Variants in ZFHX3 observed in about 807,000 individuals in gnomAD.
ZFHX3 encodes zinc finger homeobox 3.
In ZFHX3, 42 loss-of-function variants were observed where a neutral mutation model predicts 279.1. The ratio of observed to expected loss-of-function variants is 0.15; its 90% CI spans 0.12 to 0.19. ZFHX3 has a LOEUF of 0.19. Ranked by LOEUF, ZFHX3 falls within the 10% of genes least tolerant of loss-of-function variation. The pLI, the probability that ZFHX3 is intolerant of heterozygous loss-of-function variation, is 1.00. For synonymous variants in ZFHX3, 2,293 were observed against 1,957.8 expected, an observed-to-expected ratio of 1.17 and a Z score of -4.52; for missense variants, 4,981 against 4,754.0, an observed-to-expected ratio of 1.05 and a Z score of -1.40.
intron 4 of ZFHX3, among the ~76,000 whole-genome samples, chr16:73,314,865 A>G (rs1193476027): frequency 6.6e-6 from 1 of 152,260 alleles, no homozygotes; most frequent in Non-Finnish European, 1.5e-5. Context: ...CCCATAAGTT[A>G]GAGGCAACTG....
chr16:73,853,271 T>G (rs1319156633), intron 1 of ZFHX3, among the ~76,000 whole-genome samples: 1 of 152,178 alleles, frequency 6.6e-6, no homozygotes, highest in African/African-American at 2.4e-5. Flanking sequence ...ATACAGAGAT[T>G]TCTCAAAGAA....
intron 3 of ZFHX3, among the ~76,000 whole-genome samples, chr16:73,354,930 T>G (rs1028290124): frequency 6.6e-6 from 1 of 152,248 alleles, no homozygotes; most frequent in African/African-American, 2.4e-5. Context: ...AATAGTTAAT[T>G]ACTCCACAAA....
chr16:72,894,392 C>A (rs2038845833), intron 3 of ZFHX3, among the ~76,000 whole-genome samples: 1 of 152,188 alleles, frequency 6.6e-6, no homozygotes, highest in African/African-American at 2.4e-5. Flanking sequence ...CCACATCATT[C>A]GGCCATTTCC....
intron 5 of ZFHX3, chr16:73,143,899 G>C (rs1597180226): frequency 1.8e-6 from 1 of 569,760 alleles, no homozygotes; most frequent in East Asian, 6.9e-5. Context: ...CAGGCCAAGT[G>C]GCTAATGAAT....
intron 2 of ZFHX3, among the ~76,000 whole-genome samples, chr16:73,558,913 C>G (rs1304809418): frequency 6.6e-6 from 1 of 151,488 alleles, no homozygotes; most frequent in East Asian, 2.0e-4. Context: ...CAGGGTTTCA[C>G]CATGGTGGCC....
At chr16:72,884,323 G>C (rs780291062) in intron 4 of ZFHX3, among the ~76,000 whole-genome samples, 1 of 152,158 alleles carries the variant, frequency 6.6e-6, no homozygotes, top group Admixed American at 6.5e-5. Flanking sequence ...ATCTGTAAAG[G>C]GAGGATACTG....
intron 2 of ZFHX3, among the ~76,000 whole-genome samples, chr16:73,634,141 T>C (rs1056675561): frequency 1.3e-5 from 2 of 151,932 alleles, no homozygotes. Context: ...TATACATACA[T>C]AATTATGCAC....
At chr16:73,741,905 G>A (rs777748592) in intron 1 of ZFHX3, among the ~76,000 whole-genome samples, 1 of 152,188 alleles carries the variant, frequency 6.6e-6, no homozygotes, top group Non-Finnish European at 1.5e-5. Flanking sequence ...TTTATTCTAA[G>A]TCTTTCTAGC....
At chr16:73,306,757 G>A (rs1169447512) in intron 4 of ZFHX3, among the ~76,000 whole-genome samples, 1 of 152,230 alleles carries the variant, frequency 6.6e-6, no homozygotes, top group Non-Finnish European at 1.5e-5. Flanking sequence ...GTGACAGGCT[G>A]CTAGACCCTC....
chr16:72,856,207 G>T (rs145020708), intron 4 of ZFHX3, among the ~76,000 whole-genome samples: 1 of 152,178 alleles, frequency 6.6e-6, no homozygotes, highest in Non-Finnish European at 1.5e-5. Flanking sequence ...AAAGCTAGGC[G>T]CTGTACCTGT....
chr16:73,770,852 C>T (rs980701388), intron 1 of ZFHX3, among the ~76,000 whole-genome samples: 2 of 152,168 alleles, frequency 1.3e-5, no homozygotes, highest in Non-Finnish European at 2.9e-5. Context: ...AACACAAAGC[C>T]ATATAGAGGT....
At chr16:73,709,352 G>C (rs1242153974) in intron 1 of ZFHX3, among the ~76,000 whole-genome samples, 21 of 145,974 alleles carry the variant, frequency 1.4e-4, no homozygotes. Context: ...GTGACAGAGA[G>C]AGAGAGAGAG....
At chr16:73,464,646 G>A (rs1275034286) in intron 2 of ZFHX3, among the ~76,000 whole-genome samples, 1 of 152,008 alleles carries the variant, frequency 6.6e-6, no homozygotes, top group East Asian at 1.9e-4. Context: ...TCTTTTAGAG[G>A]AGAGCTTCAA....
intron 3 of ZFHX3, among the ~76,000 whole-genome samples, chr16:73,332,238 G>T (rs927678119): frequency 6.6e-6 from 1 of 152,186 alleles, no homozygotes; most frequent in Non-Finnish European, 1.5e-5. Flanking sequence ...CAAGTAGGAA[G>T]TCATTGAGAA....
chr16:73,033,427 G>C (rs1367616276), intron 1 of ZFHX3, among the ~76,000 whole-genome samples: 1 of 152,194 alleles, frequency 6.6e-6, no homozygotes, highest in Non-Finnish European at 1.5e-5. Context: ...ACTGGGTCTT[G>C]ACAGAAGTGA....
chr16:73,627,534 A>C (rs1056786948), intron 2 of ZFHX3, among the ~76,000 whole-genome samples: 1 of 152,238 alleles, frequency 6.6e-6, no homozygotes, highest in Admixed American at 6.5e-5. Context: ...TTTTGAATGA[A>C]GGATGTTGAG....
intron 1 of ZFHX3, among the ~76,000 whole-genome samples, chr16:73,759,397 A>G (rs897283058): frequency 1.3e-5 from 2 of 152,080 alleles, no homozygotes; most frequent in African/African-American, 4.8e-5. Flanking sequence ...ACTTCTATTC[A>G]CATTTTATTG....
At chr16:72,984,519 G>A (rs1567618676) in intron 1 of ZFHX3, among the ~76,000 whole-genome samples, 1 of 151,952 alleles carries the variant, frequency 6.6e-6, no homozygotes, top group Non-Finnish European at 1.5e-5. Flanking sequence ...CCAGCTACTT[G>A]GGAGGCTGAG....
At chr16:73,265,033 T>TATATATATAA (rs766121124) in intron 4 of ZFHX3, among the ~76,000 whole-genome samples, 6 of 150,076 alleles carry the variant, frequency 4.0e-5, no homozygotes, top group East Asian at 3.9e-4. Context: ...TATATATATA[T>TATATATATAA]AACACCTCAG....
Sources: allele counts gnomAD v4.1 joint callset (sites outside exome capture counted in the v4.1 genomes callset), GRCh38; gene constraint gnomAD v4.1.1; transcripts MANE v1.5; gene names NCBI Gene and HGNC (gene_info 2026-07-23, HGNC 2026-07-21).